The following RBFOX1 variants were observed in gnomAD, a reference collection of about 807,000 sequenced individuals.
RBFOX1 encodes the protein RNA binding fox-1 homolog 1.
In RBFOX1, 8 loss-of-function variants were observed where a neutral mutation model predicts 57.7. The ratio of observed to expected loss-of-function variants is 0.14; its 90% CI spans 0.08 to 0.25. The LOEUF is 0.25. Ranked by LOEUF, RBFOX1 falls within the 10% of genes least tolerant of loss-of-function variation. RBFOX1 has a pLI of 1.00. For missense variants in RBFOX1, 611 were observed against 548.5 expected (o/e 1.11, Z -1.14); for synonymous variants, 326 against 222.4 (o/e 1.47, Z -4.15).
intron 3 of RBFOX1, among the ~76,000 whole-genome samples, chr16:6,868,058 G>C (rs1363059187): frequency 1.3e-5 from 2 of 152,126 alleles, no homozygotes; most frequent in Non-Finnish European, 2.9e-5. Flanking sequence ...TTATAGTAAT[G>C]TTTTTGCCGT....
chr16:7,659,186 ACT>A (rs1191544831), intron 12 of RBFOX1, among the ~76,000 whole-genome samples: 2 of 152,020 alleles, frequency 1.3e-5, no homozygotes, highest in African/African-American at 4.8e-5. Flanking sequence ...ATTTGAGAAG[ACT>A]CTATATTATT....
At chr16:6,729,233 C>A (rs754317181) in intron 3 of RBFOX1, among the ~76,000 whole-genome samples, 2 of 152,118 alleles carry the variant, frequency 1.3e-5, no homozygotes, top group Non-Finnish European at 2.9e-5. Flanking sequence ...ATTGGGGTCA[C>A]CAGACCCCAG....
At chr16:7,051,283 C>T (rs982019315) in intron 3 of RBFOX1, among the ~76,000 whole-genome samples, 2 of 152,094 alleles carry the variant, frequency 1.3e-5, no homozygotes, top group Non-Finnish European at 2.9e-5. Context: ...TATTTGTGTC[C>T]TTAGCATAAT....
intron 4 of RBFOX1, among the ~76,000 whole-genome samples, chr16:7,212,518 A>C (rs544498395): frequency 1.3e-5 from 2 of 152,144 alleles, no homozygotes; most frequent in East Asian, 1.9e-4. Context: ...GGGTTTCTCA[A>C]CAGCACCAGA....
chr16:5,991,490 G>GA (rs2060395715), intron 4 of RBFOX1, among the ~76,000 whole-genome samples: 1 of 152,138 alleles, frequency 6.6e-6, no homozygotes, highest in African/African-American at 2.4e-5. Context: ...AATATCTCTG[G>GA]AGACCTTTAC....
At chr16:7,258,289 T>C (rs1177927535) in intron 4 of RBFOX1, among the ~76,000 whole-genome samples, 4 of 152,226 alleles carry the variant, frequency 2.6e-5, no homozygotes, top group East Asian at 3.8e-4. Context: ...CTTTAATTTA[T>C]TCAGCCTCCG....
At chr16:5,926,952 C>T (rs556315882) in intron 4 of RBFOX1, among the ~76,000 whole-genome samples, 3 of 152,202 alleles carry the variant, frequency 2.0e-5, no homozygotes, top group South Asian at 4.2e-4. Context: ...GATGTGAATG[C>T]GTGCATTCAC....
At chr16:6,880,227 G>GT (rs975990036) in intron 3 of RBFOX1, among the ~76,000 whole-genome samples, 1 of 152,170 alleles carries the variant, frequency 6.6e-6, no homozygotes, top group African/African-American at 2.4e-5. Flanking sequence ...CCACCGGGGG[G>GT]TAGCAACATG....
chr16:7,618,751 C>T (rs373603872), intron 10 of RBFOX1, among the ~76,000 whole-genome samples: 4 of 152,190 alleles, frequency 2.6e-5, no homozygotes, highest in African/African-American at 9.7e-5. Flanking sequence ...TAAAACAGAG[C>T]TGTCCTGTTG....
intron 9 of RBFOX1, among the ~76,000 whole-genome samples, chr16:7,605,250 C>G (rs1412457201): frequency 6.6e-6 from 1 of 152,042 alleles, no homozygotes; most frequent in African/African-American, 2.4e-5. Context: ...AATGTCTGAA[C>G]TAATATTTAT....
intron 9 of RBFOX1, among the ~76,000 whole-genome samples, chr16:7,605,057 C>T (rs1265929982): frequency 1.3e-5 from 2 of 152,104 alleles, no homozygotes; most frequent in Non-Finnish European, 2.9e-5. Context: ...AAAGAAAGAA[C>T]ATTAAATATG....
chr16:5,713,513 G>C (rs944563752), intron 3 of RBFOX1, among the ~76,000 whole-genome samples: 2 of 152,070 alleles, frequency 1.3e-5, no homozygotes, highest in Admixed American at 1.3e-4. Context: ...TTGACTCTTT[G>C]TTCCTAAGGA....
At chr16:5,541,987 T>A (rs1336045272) in intron 2 of RBFOX1, among the ~76,000 whole-genome samples, 1 of 152,116 alleles carries the variant, frequency 6.6e-6, no homozygotes, top group Non-Finnish European at 1.5e-5. Context: ...TGGTGCACCA[T>A]CACCAGGGGC....
chr16:7,286,573 C>A (rs1426210981), intron 4 of RBFOX1, among the ~76,000 whole-genome samples: 2 of 150,254 alleles, frequency 1.3e-5, no homozygotes, highest in Non-Finnish European at 3.0e-5. Flanking sequence ...CCTCAGCCTC[C>A]TGAATAGCTG....
intron 2 of RBFOX1, among the ~76,000 whole-genome samples, chr16:5,589,745 G>C (rs558935763): frequency 1.3e-5 from 2 of 152,300 alleles, no homozygotes; most frequent in East Asian, 3.9e-4. Flanking sequence ...AGAGTCTGAA[G>C]CTCAGAGAGG....
intron 4 of RBFOX1, among the ~76,000 whole-genome samples, chr16:7,336,794 A>C (rs1303604806): frequency 6.6e-6 from 1 of 152,216 alleles, no homozygotes; most frequent in East Asian, 1.9e-4. Context: ...AAATTCCAAA[A>C]AGCTCTGAAA....
intron 3 of RBFOX1, among the ~76,000 whole-genome samples, chr16:6,677,648 G>A (rs956361093): frequency 3.9e-5 from 6 of 152,122 alleles, no homozygotes; most frequent in African/African-American, 1.4e-4. Context: ...TTTGATTAGG[G>A]AACAAGTTTG....
intron 2 of RBFOX1, among the ~76,000 whole-genome samples, chr16:6,588,531 T>A (rs1357843538): frequency 6.6e-6 from 1 of 151,244 alleles, no homozygotes; most frequent in Non-Finnish European, 1.5e-5. Context: ...TGCACACCCG[T>A]AACTCAGCTA....
intron 10 of RBFOX1, among the ~76,000 whole-genome samples, chr16:7,625,341 C>G (rs1487861987): frequency 6.6e-6 from 1 of 152,070 alleles, no homozygotes; most frequent in Non-Finnish European, 1.5e-5. Flanking sequence ...GCAGTCTTTT[C>G]TGTTATAAAA....
Sources: gnomAD v4.1 joint callset for allele counts (sites outside exome capture counted in the v4.1 genomes callset) on GRCh38, gnomAD v4.1.1 for gene constraint, MANE v1.5 for transcripts, NCBI Gene and HGNC (gene_info 2026-07-23, HGNC 2026-07-21) for gene names.